The following PPFIA2 variants were observed in gnomAD, a reference collection of about 807,000 sequenced individuals.
PPFIA2 encodes the protein PPFI scaffold protein A2.
In PPFIA2, 46 loss-of-function variants were observed where a neutral mutation model predicts 175.5. That is an observed-to-expected ratio of 0.26 (90% CI 0.21 to 0.34). The LOEUF (loss-of-function observed/expected upper bound fraction) is 0.34, where lower values mean the gene tolerates loss of function less well. Ranked by LOEUF, PPFIA2 falls within the 10% of genes least tolerant of loss-of-function variation. The pLI is 1.00. For missense variants in PPFIA2, 1,179 were observed against 1,506.1 expected (o/e 0.78, Z 3.60); for synonymous variants, 568 against 511.4 (o/e 1.11, Z -1.49).
At chr12:81,438,462 A>G (rs2049509107) in intron 7 of PPFIA2, among the ~76,000 whole-genome samples, 1 of 152,140 alleles carries the variant, frequency 6.6e-6, no homozygotes, top group African/African-American at 2.4e-5. Context: ...ATAGAGCAAG[A>G]CTCCGTCTCA....
In PPFIA2 at chr12:81,528,279, T is replaced by C. The variant is rs373310578; in HGVS notation, c.304-70413A>G. ...AATTAAGAGAAATCAAGAACTCAGA[T>C]AGTGATATGGGTAACAAGAATTCAG... On this transcript the variant is annotated intron_variant, in intron 4 of 32. Coordinates refer to ENST00000549396, the MANE Select transcript of PPFIA2 (RefSeq NM_003625.5). Among the ~76,000 whole-genome samples, 6 of 152,088 alleles carry C rather than the reference T, an allele frequency of 3.9e-5. No individual in the cohort carries two copies. In the East Asian group the frequency reaches 7.8e-4, roughly 20 times the overall value.
At chr12:81,748,575 G>C (rs1353304088) in intron 3 of PPFIA2, among the ~76,000 whole-genome samples, 1 of 144,660 alleles carries the variant, frequency 6.9e-6, no homozygotes, top group Admixed American at 7.3e-5. Context: ...AGCCAAGGCT[G>C]TCCTGGATCA....
intron 8 of PPFIA2, among the ~76,000 whole-genome samples, chr12:81,390,369 G>T (rs1378453879): frequency 6.6e-6 from 1 of 151,962 alleles, no homozygotes; most frequent in Non-Finnish European, 1.5e-5. Context: ...TTCCAAAGTG[G>T]TTGCACCATT....
At chr12:81,273,885 C>T (rs11114811) in intron 28 of PPFIA2, among the ~76,000 whole-genome samples, 27,359 of 150,008 alleles carry the variant, frequency 0.18, 2,669 homozygotes, top group Middle Eastern at 0.23. Flanking sequence ...TTCTCCCCGC[C>T]CCCCCCCAAA....
At chr12:81,749,539 A>C (rs2153662601) in intron 3 of PPFIA2, among the ~76,000 whole-genome samples, 1 of 144,178 alleles carries the variant, frequency 6.9e-6, no homozygotes, top group African/African-American at 2.4e-5. Flanking sequence ...ATATATTAAT[A>C]ACTGACAATT....
chr12:81,307,548 A>G (rs559354411), intron 22 of PPFIA2, among the ~76,000 whole-genome samples: 17 of 152,212 alleles, frequency 1.1e-4, no homozygotes, highest in Admixed American at 6.5e-4. Context: ...ACATTCAGAA[A>G]GACATTTTCT....
chr12:81,634,280 A>G (rs902901550), intron 4 of PPFIA2, among the ~76,000 whole-genome samples: 11 of 152,018 alleles, frequency 7.2e-5, no homozygotes, highest in African/African-American at 4.8e-5. Flanking sequence ...CGTCCCCTCC[A>G]TTCTTTCTCG....
chr12:81,271,637 G>A (rs2039143088), intron 28 of PPFIA2, among the ~76,000 whole-genome samples: 1 of 152,054 alleles, frequency 6.6e-6, no homozygotes, highest in South Asian at 2.1e-4. Flanking sequence ...CTTATAATAT[G>A]TGTTCTTATT....
chr12:81,622,754 C>A (rs2062208587), intron 4 of PPFIA2, among the ~76,000 whole-genome samples: 1 of 152,080 alleles, frequency 6.6e-6, no homozygotes, highest in African/African-American at 2.4e-5. Context: ...ATAGAATGTG[C>A]CCTGGCTTTC....
intron 22 of PPFIA2, among the ~76,000 whole-genome samples, chr12:81,318,524 G>T (rs886836776): frequency 4.6e-5 from 7 of 151,540 alleles, no homozygotes; most frequent in Non-Finnish European, 1.0e-4. Flanking sequence ...GTCAGATTTG[G>T]ATGCCTCTGT....
intron 22 of PPFIA2, among the ~76,000 whole-genome samples, chr12:81,305,985 A>G (rs1566034937): frequency 6.6e-6 from 1 of 152,030 alleles, no homozygotes; most frequent in African/African-American, 2.4e-5. Flanking sequence ...CAGACCTCTC[A>G]CTTTAGCATG....
intron 18 of PPFIA2, among the ~76,000 whole-genome samples, chr12:81,345,144 C>T (rs1449512676): frequency 6.6e-6 from 1 of 152,068 alleles, no homozygotes; most frequent in African/African-American, 2.4e-5. Flanking sequence ...CTCCTTTGGG[C>T]AGATGTGCTG....
chr12:81,276,101 A>G (rs1018504203), intron 28 of PPFIA2, among the ~76,000 whole-genome samples: 2 of 152,066 alleles, frequency 1.3e-5, no homozygotes, highest in African/African-American at 4.8e-5. Flanking sequence ...TCTTTAAACA[A>G]CAAAAGTGGA....
intron 3 of PPFIA2, among the ~76,000 whole-genome samples, chr12:81,723,884 A>T (rs1346742504): frequency 6.6e-6 from 1 of 151,026 alleles, no homozygotes. Context: ...GACTGTAAAT[A>T]AAATAAATTG....
intron 7 of PPFIA2, chr12:81,430,581 T>TA (rs2047928304): frequency 6.7e-6 from 1 of 150,266 alleles, no homozygotes; most frequent in African/African-American, 2.4e-5. Context: ...ATCTCACTAC[T>TA]TCTATCTCTA....
chr12:81,300,312 AC>A (rs2047497649), intron 22 of PPFIA2, among the ~76,000 whole-genome samples: 1 of 152,184 alleles, frequency 6.6e-6, no homozygotes, highest in South Asian at 2.1e-4. Context: ...GATGATAAAA[AC>A]ATGGTATAAT....
chr12:81,462,254 C>CATAT (rs71871906), intron 4 of PPFIA2, among the ~76,000 whole-genome samples: 7,701 of 132,626 alleles, frequency 0.058, 253 homozygotes, highest in East Asian at 0.11. Context: ...GCTTTTCTAA[C>CATAT]ATATATATAT....
chr12:81,757,006 A>C (rs2084785580), intron 2 of PPFIA2, among the ~76,000 whole-genome samples: 1 of 152,286 alleles, frequency 6.6e-6, no homozygotes, highest in East Asian at 1.9e-4. Context: ...AATAGTCTAC[A>C]AAAAAATAAG....
chr12:81,479,515 A>G (rs2057929718), intron 4 of PPFIA2, among the ~76,000 whole-genome samples: 1 of 152,160 alleles, frequency 6.6e-6, no homozygotes, highest in Non-Finnish European at 1.5e-5. Flanking sequence ...GTTTCTTCAT[A>G]GAGTCGATGG....
Sources: gnomAD v4.1 joint callset for allele counts (sites outside exome capture counted in the v4.1 genomes callset) on GRCh38, gnomAD v4.1.1 for gene constraint, MANE v1.5 for transcripts, NCBI Gene and HGNC (gene_info 2026-07-23, HGNC 2026-07-21) for gene names.